The following GRK3 variants were observed in gnomAD, a reference collection of about 807,000 sequenced individuals.
GRK3 encodes adrenergic, beta, receptor kinase 2.
Under a neutral mutation model 95.7 loss-of-function variants are expected in GRK3, and 54 were observed. The ratio of observed to expected loss-of-function variants is 0.56; its 90% confidence interval spans 0.45 to 0.71. GRK3 has a LOEUF of 0.71. Ranked by LOEUF, GRK3 falls within the 30% of genes least tolerant of loss-of-function variation. GRK3 has a pLI of 0.00. For synonymous variants in GRK3, 281 were observed against 290.8 expected, an observed-to-expected ratio of 0.97 and a Z score of 0.34; for missense variants, 649 against 851.2, an observed-to-expected ratio of 0.76 and a Z score of 2.96.
At chr22:25,676,079 T>G (rs746061072) in intron 8 of GRK3, among the ~76,000 whole-genome samples, 3 of 152,232 alleles carry the variant, frequency 2.0e-5, no homozygotes, top group African/African-American at 4.8e-5. Context: ...TTAGACTTTG[T>G]CAGGCTTTCG....
chr22:25,703,058 T>C (rs1319878150), intron 13 of GRK3: 1 of 340,244 alleles, frequency 2.9e-6, no homozygotes, highest in Non-Finnish European at 5.8e-6. Flanking sequence ...GTGAATCATT[T>C]CATCTCCTTC....
chr22:25,578,337 C>T (rs753012313), intron 1 of GRK3, among the ~76,000 whole-genome samples: 24 of 152,146 alleles, frequency 1.6e-4, no homozygotes, highest in Non-Finnish European at 7.3e-5. Flanking sequence ...CCTTCGCTAA[C>T]AAACTCTGAG....
chr22:25,697,956 A>G (rs1426685039), intron 13 of GRK3, among the ~76,000 whole-genome samples: 1 of 152,216 alleles, frequency 6.6e-6, no homozygotes, highest in East Asian at 1.9e-4. Context: ...AGAGCAGGAA[A>G]CATTTTTGAC....
chr22:25,643,545 C>CT (rs1372103226), intron 2 of GRK3, among the ~76,000 whole-genome samples: 1 of 152,218 alleles, frequency 6.6e-6, no homozygotes, highest in Non-Finnish European at 1.5e-5. Flanking sequence ...CTTTGTGAGT[C>CT]TTTCTTCAGT....
chr22:25,667,923 C>T (rs1201842115), intron 6 of GRK3, 123 bp downstream of exon 6: 4 of 612,194 alleles, frequency 6.5e-6, no homozygotes, highest in South Asian at 4.1e-5. Flanking sequence ...TGACCATGTA[C>T]GATGTGCCAG....
Position 25,663,681 on chromosome 22 carries a change from C to A in GRK3, c.418C>A (p.Gln140Lys). ...EHVQSHLSKK[Q>K]VTSTLFQPYI... Reference sequence around the variant, plus strand: ...CGTACAAAGTCATTTATCCAAGAAACAAGTGACATCAACTCTTTTTCAGGT... The same window carrying A: ...CGTACAAAGTCATTTATCCAAGAAAAAAGTGACATCAACTCTTTTTCAGGT... The change falls in exon 5 of 21, where the codon CAA becomes AAA. Residue 140 changes from glutamine (Q) to lysine (K), a missense_variant. By Grantham distance (53) the Gln-to-Lys change is moderately conservative. Coordinates refer to ENST00000324198, the MANE Select transcript of GRK3 (RefSeq NM_005160.4). The A allele has an allele frequency of 6.2e-7, 1 of 1,610,830 alleles. No homozygotes were observed. Among genetic ancestry groups the A allele is most frequent in the Non-Finnish European group, 8.5e-7 (1 of 1,178,006 alleles).
chr22:25,690,315 A>G lies in GRK3; in HGVS notation c.1052+32A>G, dbSNP rs778348949. The G allele has an allele frequency of 8.7e-6, 13 of 1,501,572 alleles. No individual in the cohort carries two copies. In the East Asian group the frequency reaches 2.7e-4, roughly 31 times the overall value. The allele number at this position is 1,501,572 out of a possible 1,614,324, so 93.0% of individuals were successfully genotyped here. A position where few individuals can be genotyped will look rare whatever the true frequency, so the allele number is the denominator to read the frequency against. Reference sequence around the variant, plus strand: ...AGTGCGTCAACTTCAGTTCACCACCATTTCTCTCCTGCCCTTTCAAAGGCG... The same window carrying G: ...AGTGCGTCAACTTCAGTTCACCACCGTTTCTCTCCTGCCCTTTCAAAGGCG... On this transcript the variant is annotated intron_variant, in intron 12 of 20. Coordinates refer to ENST00000324198, the MANE Select transcript of GRK3 (RefSeq NM_005160.4).
intron 12 of GRK3, among the ~76,000 whole-genome samples, 153 bp downstream of exon 12, chr22:25,690,436 G>A (rs976542327): frequency 6.6e-6 from 1 of 152,180 alleles, no homozygotes; most frequent in African/African-American, 2.4e-5. Flanking sequence ...ATAAGAACAG[G>A]ATGCCTTCCT....
At chr22:25,629,978 A>G (rs2084653477) in intron 2 of GRK3, among the ~76,000 whole-genome samples, 1 of 151,958 alleles carries the variant, frequency 6.6e-6, no homozygotes, top group Admixed American at 6.5e-5. Context: ...ATTAGAGTAC[A>G]ATTGCATTGA....
At chr22:25,675,773 T>C (rs1388642691) in intron 8 of GRK3, among the ~76,000 whole-genome samples, 1 of 152,194 alleles carries the variant, frequency 6.6e-6, no homozygotes, top group East Asian at 1.9e-4. Context: ...GGATGATATG[T>C]TTTTTGAGGA....
intron 4 of GRK3, 22 bp downstream of exon 4, chr22:25,661,699 G>T: frequency 1.4e-6 from 2 of 1,421,318 alleles, no homozygotes; most frequent in Non-Finnish European, 2.0e-6. Context: ...TTCTTACTCT[G>T]TTACTTTAGT....
rs759276190 is a variant in GRK3 at position 25,674,540 on chromosome 22, A to G, written c.647+12A>G. ...GACACTGGAAAAATGTAAGCTTTCAATGCTCTTATGTTTTACTGGCACTAT... is the reference window on the plus strand; with the variant it reads ...GACACTGGAAAAATGTAAGCTTTCAGTGCTCTTATGTTTTACTGGCACTAT... On this transcript the variant is annotated intron_variant, in intron 8 of 20. Coordinates refer to ENST00000324198, the MANE Select transcript of GRK3 (RefSeq NM_005160.4). 1 of 1,581,780 alleles carries G rather than the reference A, an allele frequency of 6.3e-7. No individual in the cohort carries two copies. Among genetic ancestry groups the G allele is most frequent in the Non-Finnish European group, 8.7e-7 (1 of 1,151,776 alleles).
chr22:25,664,999 G>C (rs1250279067), intron 5 of GRK3, among the ~76,000 whole-genome samples: 1 of 152,200 alleles, frequency 6.6e-6, no homozygotes, highest in African/African-American at 2.4e-5. Context: ...TGGGTTATAA[G>C]CTTGGGTTAT....
chr22:25,710,662 C>A (rs978892365), intron 16 of GRK3, among the ~76,000 whole-genome samples: 2 of 152,202 alleles, frequency 1.3e-5, no homozygotes, highest in African/African-American at 4.8e-5. Context: ...TTAACACATA[C>A]CTTGGAGCGT....
intron 3 of GRK3, 137 bp downstream of exon 3, chr22:25,644,802 A>C: frequency 2.0e-6 from 1 of 491,696 alleles, no homozygotes; most frequent in Non-Finnish European, 3.5e-6. Context: ...AAAATATAGT[A>C]TCAAGTTTGA....
At chr22:25,572,582 T>G (rs1931743076) in intron 1 of GRK3, among the ~76,000 whole-genome samples, 1 of 152,198 alleles carries the variant, frequency 6.6e-6, no homozygotes, top group Non-Finnish European at 1.5e-5. Flanking sequence ...CACTCACACT[T>G]TCTTGCTTGC....
chr22:25,588,119 G>T (rs1005905643), intron 1 of GRK3, among the ~76,000 whole-genome samples: 2 of 152,160 alleles, frequency 1.3e-5, no homozygotes, highest in African/African-American at 4.8e-5. Context: ...AATTTAAAGG[G>T]ATAGTTTCAA....
At chr22:25,721,908 A>C (rs1407785506) in intron 20 of GRK3, among the ~76,000 whole-genome samples, 2 of 152,232 alleles carry the variant, frequency 1.3e-5, no homozygotes, top group Admixed American at 6.5e-5. Context: ...ATTTTTACTA[A>C]CATCAGTACT....
chr22:25,570,964 G>C lies in GRK3; in HGVS notation c.113+5811G>C, dbSNP rs116452374. 9.6e-3 allele frequency among the ~76,000 whole-genome samples: 1,465 copies of C among 152,284 alleles called. 24 individuals carry two copies. The highest frequency in any genetic ancestry group is 0.034 in the African/African-American group (1,392 of 41,538). ...TACTTTCTATGTAGGACACTATATA[G>C]AGAGCCCATGGCGAATGCAGTGAAA... On this transcript the variant is annotated intron_variant, in intron 1 of 20. Transcript: ENST00000324198.
Sources: allele counts gnomAD v4.1 joint callset (sites outside exome capture counted in the v4.1 genomes callset), GRCh38; gene constraint gnomAD v4.1.1; transcripts MANE v1.5; gene names NCBI Gene and HGNC (gene_info 2026-07-23, HGNC 2026-07-21).